Variants in RSU1 observed in about 807,000 individuals in gnomAD.
The protein encoded by RSU1 is Ras suppressor protein 1.
RSU1 carries 26 observed loss-of-function variants against 31.1 expected under a neutral mutation model. The observed-to-expected ratio is 0.84, with a 90% CI of 0.61 to 1.16. RSU1 has a LOEUF of 1.16. Among genes scored for constraint, RSU1 ranks in the 50% most tolerant of loss-of-function variants. The pLI is 0.00. For synonymous variants in RSU1, 164 were observed against 136.3 expected (o/e 1.20, Z -1.41); for missense variants, 320 against 339.1 (o/e 0.94, Z 0.44).
At chr10:16,682,619 C>A (rs1310223089) in intron 8 of RSU1, among the ~76,000 whole-genome samples, 3 of 151,446 alleles carry the variant, frequency 2.0e-5, no homozygotes, top group Non-Finnish European at 4.4e-5. Context: ...CTCTTACTTT[C>A]GGGAACACCT....
intron 8 of RSU1, among the ~76,000 whole-genome samples, chr10:16,636,531 T>G (rs1386969311): frequency 2.6e-5 from 4 of 152,232 alleles, no homozygotes; most frequent in African/African-American, 9.6e-5. Context: ...TCCTGTTTTC[T>G]GCGCTTCCCT....
chr10:16,775,872 T>C (rs533436638), intron 3 of RSU1, among the ~76,000 whole-genome samples: 8 of 152,354 alleles, frequency 5.3e-5, no homozygotes, highest in African/African-American at 1.4e-4. Flanking sequence ...AAATAAGTTA[T>C]TGATCAAAGC....
At chr10:16,686,077 T>G (rs7909324) in intron 8 of RSU1, among the ~76,000 whole-genome samples, 3,500 of 152,216 alleles carry the variant, frequency 0.023, 152 homozygotes, top group African/African-American at 0.079. Context: ...CATTTTAATC[T>G]AAAATAACTG....
At chr10:16,613,989 G>A (rs760208790) in intron 8 of RSU1, among the ~76,000 whole-genome samples, 1 of 152,134 alleles carries the variant, frequency 6.6e-6, no homozygotes, top group East Asian at 1.9e-4. Context: ...CGGATTCAGG[G>A]GTACTCGCAG....
At chr10:16,664,248 C>G (rs1270292858) in intron 8 of RSU1, among the ~76,000 whole-genome samples, 1 of 152,202 alleles carries the variant, frequency 6.6e-6, no homozygotes, top group African/African-American at 2.4e-5. Flanking sequence ...ATTCCATTTT[C>G]TGTACCCATA....
intron 4 of RSU1, among the ~76,000 whole-genome samples, chr10:16,756,903 G>T (rs900234388): frequency 6.8e-6 from 1 of 147,758 alleles, no homozygotes; most frequent in Non-Finnish European, 1.5e-5. Context: ...GAGGGGTGGG[G>T]TGTGGTGTGT....
At chr10:16,781,364 T>C (rs1837645273) in intron 3 of RSU1, among the ~76,000 whole-genome samples, 1 of 152,202 alleles carries the variant, frequency 6.6e-6, no homozygotes, top group Admixed American at 6.5e-5. Context: ...GCAGAATTTT[T>C]CTTTTGGGGA....
At chr10:16,761,832 G>A (rs141380680) in intron 4 of RSU1, among the ~76,000 whole-genome samples, 6 of 152,218 alleles carry the variant, frequency 3.9e-5, no homozygotes, top group East Asian at 1.9e-4. Context: ...CTCCAGCCTC[G>A]ACGACAGAGT....
intron 2 of RSU1, among the ~76,000 whole-genome samples, chr10:16,811,172 C>T (rs550958755): frequency 3.9e-4 from 60 of 152,294 alleles, no homozygotes; most frequent in Non-Finnish European, 6.6e-4. Context: ...CAATCACATG[C>T]TGTACAGTTT....
At chr10:16,787,120 T>C (rs1029151326) in intron 2 of RSU1, among the ~76,000 whole-genome samples, 1 of 152,078 alleles carries the variant, frequency 6.6e-6, no homozygotes, top group Non-Finnish European at 1.5e-5. Flanking sequence ...GTGTTGATGG[T>C]TCATAATCTG....
intron 4 of RSU1, among the ~76,000 whole-genome samples, chr10:16,762,667 C>T (rs1428625835): frequency 2.0e-5 from 3 of 152,142 alleles, no homozygotes; most frequent in African/African-American, 7.2e-5. Context: ...GACCAAATTC[C>T]TTGTGGGAGC....
At chr10:16,750,533 G>A (rs1478721632) in intron 7 of RSU1, among the ~76,000 whole-genome samples, 3 of 152,240 alleles carry the variant, frequency 2.0e-5, no homozygotes, top group East Asian at 1.9e-4. Flanking sequence ...ATAGGCATGC[G>A]TAGGTTCAAC....
At chr10:16,666,897 G>C (rs1301219093) in intron 8 of RSU1, among the ~76,000 whole-genome samples, 2 of 152,068 alleles carry the variant, frequency 1.3e-5, no homozygotes, top group Non-Finnish European at 2.9e-5. Context: ...GCTAAAGCAG[G>C]AGAACTGCTT....
At chr10:16,789,280 T>C (rs1405795947) in intron 2 of RSU1, among the ~76,000 whole-genome samples, 1 of 152,220 alleles carries the variant, frequency 6.6e-6, no homozygotes, top group Admixed American at 6.5e-5. Context: ...CTAGAATGTA[T>C]TTTTCTTTCT....
At chr10:16,720,659 C>T (rs1376336069) in intron 7 of RSU1, among the ~76,000 whole-genome samples, 1 of 152,206 alleles carries the variant, frequency 6.6e-6, no homozygotes, top group Admixed American at 6.5e-5. Context: ...GAATGCAACA[C>T]CCTCTTTCAC....
rs1395489336 is a variant in RSU1, at chr10:16,635,094, C to T, written c.732-41598G>A. ...AATGAATGTTCACAGCAGCTGTATTCGTAACAGCCTCCTACTGGAAATAAC... is the reference window on the plus strand; with the variant it reads ...AATGAATGTTCACAGCAGCTGTATTTGTAACAGCCTCCTACTGGAAATAAC... On this transcript the variant is annotated intron_variant, in intron 8 of 8. Coordinates refer to ENST00000345264, the MANE Select transcript of RSU1 (RefSeq NM_012425.4). 2.0e-5 allele frequency among the ~76,000 whole-genome samples: 3 copies of T among 152,158 alleles called. No individual in the cohort carries two copies. The South Asian group carries it at 6.2e-4, about 31-fold the overall frequency.
chr10:16,784,256 G>GT lies in RSU1; in HGVS notation c.110-2173dup, dbSNP rs910287928. On this transcript the variant is annotated intron_variant, in intron 2 of 8. Coordinates refer to ENST00000345264, the MANE Select transcript of RSU1 (RefSeq NM_012425.4). ...AGCACCATTCTTGCTTGATTTAAAT[G>GT]TTTTTTTGTTTTATTTTGTTTTGTT... Among the ~76,000 whole-genome samples the GT allele has an allele frequency of 4.6e-5, 7 of 151,774 alleles. No homozygotes were observed. In the East Asian group the frequency reaches 7.8e-4, roughly 17 times the overall value.
At chr10:16,698,261 G>A (rs756433290) in intron 7 of RSU1, among the ~76,000 whole-genome samples, 85 of 152,036 alleles carry the variant, frequency 5.6e-4, no homozygotes, top group Non-Finnish European at 5.9e-4. Flanking sequence ...GCTCCCTTCC[G>A]CCGAGTCCCA....
intron 2 of RSU1, among the ~76,000 whole-genome samples, chr10:16,782,850 A>G (rs1463469968): frequency 6.6e-6 from 1 of 151,934 alleles, no homozygotes; most frequent in Non-Finnish European, 1.5e-5. Flanking sequence ...ACTTTACTGT[A>G]TGTGTCAGCA....
Sources: gnomAD v4.1 joint callset for allele counts (sites outside exome capture counted in the v4.1 genomes callset) on GRCh38, gnomAD v4.1.1 for gene constraint, MANE v1.5 for transcripts, NCBI Gene and HGNC (gene_info 2026-07-23, HGNC 2026-07-21) for gene names.